Variants in CCDC126 observed in about 807,000 individuals in gnomAD.
CCDC126 encodes the protein coiled-coil domain containing 126.
In CCDC126, 5 loss-of-function variants were observed where a neutral mutation model predicts 11.7. The ratio of observed to expected loss-of-function variants is 0.43; its 90% CI spans 0.22 to 0.90. CCDC126 has a LOEUF of 0.90. Ranked by LOEUF, CCDC126 falls within the 40% of genes least tolerant of loss-of-function variation. The pLI is 0.27. For missense variants in CCDC126, 150 were observed against 163.1 expected (o/e 0.92, Z 0.44); for synonymous variants, 60 against 61.9 (o/e 0.97, Z 0.14).
intron 3 of CCDC126, among the ~76,000 whole-genome samples, chr7:23,612,358 G>C (rs1283621622): frequency 6.6e-6 from 1 of 151,002 alleles, no homozygotes; most frequent in Non-Finnish European, 1.5e-5. Context: ...CCAGCTACTC[G>C]GGAGACTGAG....
chr7:23,611,531 C>T lies in CCDC126; in HGVS notation c.216C>T (p.Asn72=), dbSNP rs374195563. 54 of 1,610,392 alleles carry T rather than the reference C, an allele frequency of 3.4e-5. No individual in the cohort carries two copies. Among genetic ancestry groups the T allele is most frequent in the Admixed American group, 1.2e-4 (7 of 60,020 alleles). ...ATAAGAACACAGTGGATGTCGAGAA[C>T]GGTGCTTCTATGGCAGGATATGGTA... ...EENKNTVDVE[N]GASMAGYADL... The change falls in exon 3 of 4, where the codon AAC becomes AAT. Residue 72 remains asparagine, a synonymous_variant. Coordinates refer to ENST00000307471, the MANE Select transcript of CCDC126 (RefSeq NM_138771.4).
intron 3 of CCDC126, among the ~76,000 whole-genome samples, chr7:23,633,302 A>G (rs562159530): frequency 9.9e-5 from 15 of 152,252 alleles, no homozygotes; most frequent in African/African-American, 3.6e-4. Flanking sequence ...CTGCCTTGCA[A>G]TCTTAAGAAG....
At chr7:23,628,475 T>A (rs1209220309) in intron 3 of CCDC126, among the ~76,000 whole-genome samples, 1 of 152,214 alleles carries the variant, frequency 6.6e-6, no homozygotes, top group Non-Finnish European at 1.5e-5. Context: ...ATAACAGCTC[T>A]CCTCTAGCCA....
Position 23,640,991 on chromosome 7 carries a change from G to GATTTTTTTTTTTTTTTTTTTTTTT in CCDC126, c.239-1940_239-1939insATTTTTTTTTTTTTTTTTTTTTTT, listed in dbSNP as rs754297249. 3.6e-5 allele frequency among the ~76,000 whole-genome samples: 4 copies of GATTTTTTTTTTTTTTTTTTTTTTT among 111,000 alleles called. 2 individuals carry two copies. Among genetic ancestry groups the GATTTTTTTTTTTTTTTTTTTTTTT allele is most frequent in the Non-Finnish European group, 3.6e-5 (2 of 56,286 alleles). The allele number at this position is 111,000 out of a possible 152,430, so 72.8% of individuals were successfully genotyped here. On this transcript the variant is annotated intron_variant, in intron 3 of 3. Transcript: ENST00000307471. The stretch of plus-strand genomic sequence containing the variant: ...ATCCCTCTGAGCTCTGAATCCTTTT[G>GATTTTTTTTTTTTTTTTTTTTTTT]GTTTTTTTTTTTTTTTTTTTTTTTG...
chr7:23,617,398 T>G (rs1346238698), intron 3 of CCDC126, among the ~76,000 whole-genome samples: 3 of 151,726 alleles, frequency 2.0e-5, no homozygotes, highest in Non-Finnish European at 4.4e-5. Flanking sequence ...AAAGCTGTCT[T>G]TTGTTACATC....
intron 2 of CCDC126, among the ~76,000 whole-genome samples, chr7:23,606,805 T>G (rs1782630165): frequency 6.6e-6 from 1 of 152,060 alleles, no homozygotes; most frequent in Non-Finnish European, 1.5e-5. Context: ...CCAGGCACAG[T>G]GGCTCACACC....
chr7:23,614,300 C>T (rs765447734), intron 3 of CCDC126, among the ~76,000 whole-genome samples: 6 of 152,124 alleles, frequency 3.9e-5, no homozygotes, highest in Non-Finnish European at 8.8e-5. Context: ...GATTCCATCT[C>T]AAAAAACTAC....
At chr7:23,631,183 A>G (rs1783105219) in intron 3 of CCDC126, among the ~76,000 whole-genome samples, 2 of 152,302 alleles carry the variant, frequency 1.3e-5, no homozygotes, top group Admixed American at 6.5e-5. Context: ...ATTGAAAACA[A>G]AAACAGTAGA....
intron 3 of CCDC126, among the ~76,000 whole-genome samples, chr7:23,625,893 G>A (rs201507177): frequency 6.6e-6 from 1 of 151,564 alleles, no homozygotes; most frequent in Non-Finnish European, 1.5e-5. Context: ...TCCTGACCTC[G>A]TGATCCACCC....
chr7:23,601,977 T>A (rs2128013792), intron 2 of CCDC126: 1 of 152,350 alleles, frequency 6.6e-6, no homozygotes, highest in African/African-American at 2.4e-5. Context: ...TGAACCACCA[T>A]GCCCAGCCTG....
chr7:23,623,971 C>T (rs1285102726), intron 3 of CCDC126, among the ~76,000 whole-genome samples: 4 of 152,126 alleles, frequency 2.6e-5, no homozygotes, highest in African/African-American at 4.8e-5. Context: ...GGTTTTTAGT[C>T]CTTTCTTTAC....
At chr7:23,629,226 C>G (rs764234901) in intron 3 of CCDC126, among the ~76,000 whole-genome samples, 8 of 152,188 alleles carry the variant, frequency 5.3e-5, no homozygotes, top group Non-Finnish European at 1.2e-4. Context: ...GGGAGGTGAT[C>G]ATGTCACGAG....
chr7:23,622,628 A>C lies in CCDC126; in HGVS notation c.238+11075A>C, dbSNP rs914022359. Reference sequence around the variant, plus strand: ...GTATTGAGTGGCTCTAAGGATAGCCAAGGATCCAAGGTTTGTACTGTGTAC... The same window carrying C: ...GTATTGAGTGGCTCTAAGGATAGCCCAGGATCCAAGGTTTGTACTGTGTAC... On this transcript the variant is annotated intron_variant, in intron 3 of 3. Transcript: ENST00000307471. The C allele has an allele frequency of 1.1e-5, 6 of 535,970 alleles. No individual in the cohort carries two copies. In the African/African-American group the frequency reaches 1.2e-4, roughly 10 times the overall value. 33.2% of individuals were successfully genotyped at this position (535,970 alleles called of 1,614,324 possible). A position where few individuals can be genotyped will look rare whatever the true frequency, so the allele number is the denominator to read the frequency against.
rs574550705 is a variant in CCDC126, at chr7:23,620,961, A to G, written c.238+9408A>G. 2.0e-5 allele frequency among the ~76,000 whole-genome samples: 3 copies of G among 152,340 alleles called. No individual in the cohort carries two copies. In the East Asian group the frequency reaches 5.8e-4, roughly 29 times the overall value. On this transcript the variant is annotated intron_variant, in intron 3 of 3. Coordinates refer to ENST00000307471, the MANE Select transcript of CCDC126 (RefSeq NM_138771.4). Reference sequence around the variant, plus strand: ...GTATCTCTGTTTTGGTACCAGTCCCATGCTGTTTTGGTTACTGTAGCCTTG... The same window carrying G: ...GTATCTCTGTTTTGGTACCAGTCCCGTGCTGTTTTGGTTACTGTAGCCTTG...
chr7:23,617,253 C>G (rs1782808549), intron 3 of CCDC126, among the ~76,000 whole-genome samples: 1 of 142,442 alleles, frequency 7.0e-6, no homozygotes, highest in African/African-American at 2.6e-5. Context: ...GAGGCTGAGG[C>G]AGGAGAATCA....
At chr7:23,610,159 A>C (rs1165945693) in intron 2 of CCDC126, among the ~76,000 whole-genome samples, 1 of 152,174 alleles carries the variant, frequency 6.6e-6, no homozygotes, top group African/African-American at 2.4e-5. Flanking sequence ...TCTCATTTAA[A>C]ATTTGGAATT....
At chr7:23,635,203 A>AAT (rs1277842859) in intron 3 of CCDC126, among the ~76,000 whole-genome samples, 1 of 152,220 alleles carries the variant, frequency 6.6e-6, no homozygotes, top group Non-Finnish European at 1.5e-5. Flanking sequence ...CAAACATGTG[A>AAT]ATTAGACCTT....
chr7:23,620,657 C>G (rs1235062967), intron 3 of CCDC126, among the ~76,000 whole-genome samples: 1 of 152,032 alleles, frequency 6.6e-6, no homozygotes, highest in Non-Finnish European at 1.5e-5. Flanking sequence ...CTTGCCCATG[C>G]CTATGTCCTG....
Position 23,611,313 on chromosome 7 carries a change from GA to G in CCDC126, c.1del. On this transcript the variant is annotated 5_prime_UTR_variant, in exon 3 of 4. Coordinates refer to ENST00000307471, the MANE Select transcript of CCDC126 (RefSeq NM_138771.4). ...TCAAGTCTGTTTGTTTGCTTCTTCAGAAATGTTTTTTACAATCTCAAGAAAA... is the reference window on the plus strand; with the variant it reads ...TCAAGTCTGTTTGTTTGCTTCTTCAGAATGTTTTTTACAATCTCAAGAAAA... 6.3e-7 allele frequency: 1 copy of G among 1,583,668 alleles called. No homozygotes were observed. The highest frequency in any genetic ancestry group is 1.3e-5 in the African/African-American group (1 of 74,138).
Sources: gnomAD v4.1 joint callset for allele counts (sites outside exome capture counted in the v4.1 genomes callset) on GRCh38, gnomAD v4.1.1 for gene constraint, MANE v1.5 for transcripts, NCBI Gene and HGNC (gene_info 2026-07-23, HGNC 2026-07-21) for gene names.